The following OR3A2 variants were observed in gnomAD, a reference collection of about 807,000 sequenced individuals.
The protein encoded by OR3A2 is olfactory receptor 3A2.
For missense variants in OR3A2, 318 were observed against 392.8 expected (o/e 0.81, Z 1.61); for synonymous variants, 126 against 159.3 (o/e 0.79, Z 1.57).
chr17:3,333,544 T>G (rs2049255908), intron 3 of OR3A2, among the ~76,000 whole-genome samples: 1 of 152,166 alleles, frequency 6.6e-6, no homozygotes, highest in Non-Finnish European at 1.5e-5. Flanking sequence ...CAGGTGGACA[T>G]CACGGACCTG....
At chr17:3,365,447 T>C (rs2049554446) in intron 2 of OR3A2, among the ~76,000 whole-genome samples, 1 of 152,172 alleles carries the variant, frequency 6.6e-6, no homozygotes, top group Admixed American at 6.5e-5. Flanking sequence ...TTTGTCACCT[T>C]TTGCCCCTTA....
chr17:3,349,293 C>A (rs138512095), intron 2 of OR3A2, among the ~76,000 whole-genome samples: 1 of 152,018 alleles, frequency 6.6e-6, no homozygotes, highest in African/African-American at 2.4e-5. Context: ...ACCCATCTCA[C>A]GGGCAGAGAC....
intron 3 of OR3A2, among the ~76,000 whole-genome samples, chr17:3,298,589 A>G (rs2150625106): frequency 1.3e-5 from 2 of 152,284 alleles, no homozygotes; most frequent in East Asian, 3.9e-4. Context: ...CTCTCACTTG[A>G]TATGTTATCT....
intron 2 of OR3A2, among the ~76,000 whole-genome samples, chr17:3,371,509 C>T (rs1206618967): frequency 1.5e-5 from 2 of 137,094 alleles, no homozygotes; most frequent in East Asian, 2.3e-4. Context: ...GGCGGCTGGC[C>T]GGGCGGGGGG....
At chr17:3,371,551 G>A (rs230483) in intron 2 of OR3A2, among the ~76,000 whole-genome samples, 2,405 of 142,914 alleles carry the variant, frequency 0.017, 28 homozygotes, top group Non-Finnish European at 0.027. Context: ...CGGACGGGGC[G>A]GCTGGCCGGG....
At chr17:3,329,125 G>T (rs1400287454) in intron 3 of OR3A2, among the ~76,000 whole-genome samples, 1 of 151,808 alleles carries the variant, frequency 6.6e-6, no homozygotes, top group Non-Finnish European at 1.5e-5. Flanking sequence ...GTATTTTATT[G>T]AGGATTTTTG....
At chr17:3,298,022 G>A (rs1302864516) in intron 3 of OR3A2, among the ~76,000 whole-genome samples, 2 of 152,034 alleles carry the variant, frequency 1.3e-5, no homozygotes, top group Non-Finnish European at 2.9e-5. Context: ...AGATGGGGTG[G>A]TTCTGAGGAC....
intron 3 of OR3A2, among the ~76,000 whole-genome samples, chr17:3,315,120 C>G (rs1008292808): frequency 2.0e-5 from 3 of 152,140 alleles, no homozygotes; most frequent in Non-Finnish European, 4.4e-5. Flanking sequence ...CATGTCTTTG[C>G]TATTGTGAAT....
intron 2 of OR3A2, among the ~76,000 whole-genome samples, chr17:3,340,590 C>G (rs1240745471): frequency 6.6e-6 from 1 of 151,632 alleles, no homozygotes; most frequent in Non-Finnish European, 1.5e-5. Flanking sequence ...GAGTGAGTTT[C>G]TTAATCTTGA....
chr17:3,357,601 T>C (rs58565976), intron 2 of OR3A2, among the ~76,000 whole-genome samples: 13,258 of 151,498 alleles, frequency 0.088, 1,170 homozygotes, highest in East Asian at 0.48. Flanking sequence ...AGAGTTTCAA[T>C]TGGGGAGGAT....
chr17:3,348,367 T>C, intron 2 of OR3A2, among the ~76,000 whole-genome samples: 1 of 152,094 alleles, frequency 6.6e-6, no homozygotes, highest in Non-Finnish European at 1.5e-5. Context: ...TCTAGGGTTT[T>C]CATGGTTTTA....
chr17:3,304,282 G>A (rs1341246400), intron 3 of OR3A2, among the ~76,000 whole-genome samples: 2 of 152,086 alleles, frequency 1.3e-5, no homozygotes, highest in Non-Finnish European at 2.9e-5. Context: ...AAGGACCGGC[G>A]AAGACCCACC....
intron 2 of OR3A2, among the ~76,000 whole-genome samples, chr17:3,378,101 C>T (rs2049699629): frequency 6.6e-6 from 1 of 152,196 alleles, no homozygotes; most frequent in Non-Finnish European, 1.5e-5. Flanking sequence ...AGGCTTCAGG[C>T]CATCCCTGGC....
At chr17:3,291,140 T>C (rs1199056430) in intron 3 of OR3A2, 1 of 152,782 alleles carries the variant, frequency 6.5e-6, no homozygotes, top group Non-Finnish European at 1.5e-5. Context: ...GCTACTTTTT[T>C]GTTTTTGTTT....
chr17:3,382,364 T>G (rs555332730), intron 2 of OR3A2, among the ~76,000 whole-genome samples: 9 of 152,322 alleles, frequency 5.9e-5, no homozygotes, highest in Non-Finnish European at 1.0e-4. Flanking sequence ...CTTATAGCTG[T>G]GGCGTTCTCT....
At chr17:3,384,875 C>T (rs2049765591) in intron 1 of OR3A2, among the ~76,000 whole-genome samples, 1 of 151,978 alleles carries the variant, frequency 6.6e-6, no homozygotes, top group Admixed American at 6.6e-5. Context: ...AAAATATTAA[C>T]TATATGATTC....
intron 3 of OR3A2, among the ~76,000 whole-genome samples, chr17:3,333,002 A>C (rs2049251312): frequency 6.6e-6 from 1 of 152,182 alleles, no homozygotes; most frequent in Non-Finnish European, 1.5e-5. Context: ...ATAAGATCTG[A>C]CTGCCTGCAG....
chr17:3,348,960 A>C (rs558973442), intron 2 of OR3A2, among the ~76,000 whole-genome samples: 48 of 152,122 alleles, frequency 3.2e-4, no homozygotes, highest in African/African-American at 7.2e-4. Flanking sequence ...GAAATAAAAT[A>C]CTTTACAGAC....
intron 2 of OR3A2, among the ~76,000 whole-genome samples, chr17:3,375,433 G>C (rs1034847353): frequency 6.6e-6 from 1 of 151,034 alleles, no homozygotes; most frequent in African/African-American, 2.4e-5. Context: ...CTCCCTAGTA[G>C]CTGGGACTAC....
Sources: allele counts gnomAD v4.1 joint callset (sites outside exome capture counted in the v4.1 genomes callset), GRCh38; gene constraint gnomAD v4.1.1; transcripts MANE v1.5; gene names NCBI Gene and HGNC (gene_info 2026-07-23, HGNC 2026-07-21).